Variants in FAM117A observed in about 807,000 individuals in gnomAD.
FAM117A encodes the protein protein FAM117A.
In FAM117A, 21 loss-of-function variants were observed where a neutral mutation model predicts 44.1. That is an observed-to-expected ratio of 0.48 (90% CI 0.34 to 0.69). The LOEUF (loss-of-function observed/expected upper bound fraction) is 0.69, where lower values mean the gene tolerates loss of function less well. Ranked by LOEUF, FAM117A falls within the 30% of genes least tolerant of loss-of-function variation. The pLI is 0.01. For synonymous variants in FAM117A, 220 were observed against 238.3 expected (o/e 0.92, Z 0.71); for missense variants, 498 against 589.9 (o/e 0.84, Z 1.61).
chr17:49,751,943 CAAAAA>C (rs71146933), intron 1 of FAM117A, among the ~76,000 whole-genome samples: 1 of 56,956 alleles, frequency 1.8e-5, no homozygotes. Flanking sequence ...GACTCCATCT[CAAAAA>C]AAAAAAAAAA....
At chr17:49,768,489 G>T (rs1317912174), upstream of FAM117A, among the ~76,000 whole-genome samples, 1 of 152,258 alleles carries the variant, frequency 6.6e-6, no homozygotes, top group South Asian at 2.1e-4. Context: ...AAGTGCTTAC[G>T]TCTTTGCTCC....
rs550277738 is a variant in FAM117A, at chr17:49,710,962, G to T, written c.*293C>A. 9.2e-6 allele frequency: 3 copies of T among 327,314 alleles called. No homozygotes were observed. Among genetic ancestry groups the T allele is most frequent in the Non-Finnish European group, 1.7e-5 (3 of 177,866 alleles). 20.3% of individuals were successfully genotyped at this position (327,314 alleles called of 1,614,324 possible). On this transcript the variant is annotated 3_prime_UTR_variant, in exon 8 of 8. Transcript: ENST00000240364. ...ATACAGTCATTTGGACTGACACCCA[G>T]GGGTGGGGGACTCAAGACCTTCTGG...
Position 49,720,307 on chromosome 17 carries a change from GC to G in FAM117A, c.573+18del, listed in dbSNP as rs769655856. 3.1e-6 allele frequency: 5 copies of G among 1,591,168 alleles called. No individual in the cohort carries two copies. In the Admixed American group the frequency reaches 8.3e-5, roughly 27 times the overall value. On this transcript the variant is annotated intron_variant, in intron 4 of 7. Coordinates refer to ENST00000240364, the MANE Select transcript of FAM117A (RefSeq NM_030802.4). ...CATGGAGGAGAACAGAGGGGAGAGG[GC>G]TGGGGGAGAAAACATACCCTCAGTG... is the stretch of plus-strand genomic sequence containing the variant.
chr17:49,769,711 T>A (rs1216941787), intron 1 of FAM117A, among the ~76,000 whole-genome samples: 2 of 151,326 alleles, frequency 1.3e-5, no homozygotes, highest in South Asian at 2.1e-4. Context: ...TCTCAAAAAA[T>A]AAATAAATAA....
intron 1 of FAM117A, among the ~76,000 whole-genome samples, chr17:49,760,036 G>C (rs908858688): frequency 1.3e-5 from 2 of 152,188 alleles, no homozygotes; most frequent in Non-Finnish European, 2.9e-5. Context: ...GGTTAAGAGA[G>C]GAGAGGGGGC....
rs972488394 is a variant in FAM117A at position 49,763,947 on chromosome 17, C to T, written c.141G>A (p.Thr47=). Residue 47 remains threonine (T), a synonymous_variant, in exon 1 of 8, where the codon ACG becomes ACA. Transcript: ENST00000240364. ...PRAGLQPLRA[T]IPFQLQQPHQ... is the part of the protein sequence containing the mutation. ...GCGGCTGCTGCAGCTGGAAGGGGAT[C>T]GTGGCCCTGAGCGGCTGCAGCCCAG... 2.4e-6 allele frequency: 3 copies of T among 1,233,928 alleles called. No individual in the cohort carries two copies. The African/African-American group carries it at 4.7e-5, about 19-fold the overall frequency. The allele number at this position is 1,233,928 out of a possible 1,614,324, so 76.4% of individuals were successfully genotyped here.
At chr17:49,788,489 C>A (rs1367824465) in intron 1 of FAM117A, 4 of 293,204 alleles carry the variant, frequency 1.4e-5, no homozygotes, top group African/African-American at 8.7e-5. Flanking sequence ...ACAAACAGAG[C>A]CACTCACGTA....
intron 1 of FAM117A, among the ~76,000 whole-genome samples, chr17:49,777,428 A>G (rs1176592991): frequency 6.6e-6 from 1 of 151,622 alleles, no homozygotes; most frequent in Non-Finnish European, 1.5e-5. Flanking sequence ...GGGGCCTGAG[A>G]CTCTGGTAGT....
rs368293515 is a variant in FAM117A at position 49,751,893 on chromosome 17, A to G, written c.196+11999T>C. ...CGGGAGATGGAGGTTGCAGTGAGCC[A>G]AGATTGCACCACTGCACTCCAGTCT... On this transcript the variant is annotated intron_variant, in intron 1 of 7. Coordinates refer to ENST00000240364, the MANE Select transcript of FAM117A (RefSeq NM_030802.4). Among the ~76,000 whole-genome samples the G allele has an allele frequency of 6.8e-4, 102 of 149,340 alleles. 1 individual carries two copies. In the East Asian group the frequency reaches 0.019, roughly 28 times the overall value.
intron 1 of FAM117A, among the ~76,000 whole-genome samples, chr17:49,742,771 C>G (rs558088842): frequency 2.6e-5 from 4 of 152,270 alleles, no homozygotes; most frequent in African/African-American, 7.2e-5. Context: ...TCACAGGAAT[C>G]TGATTTCCAT....
At chr17:49,780,441 C>T (rs529484013) in intron 1 of FAM117A, among the ~76,000 whole-genome samples, 3 of 152,136 alleles carry the variant, frequency 2.0e-5, no homozygotes, top group South Asian at 2.1e-4. Context: ...AGGGCAGTGG[C>T]GTGATCTTGG....
upstream of FAM117A, among the ~76,000 whole-genome samples, chr17:49,767,271 A>T (rs1021795289): frequency 6.6e-5 from 10 of 152,228 alleles, no homozygotes; most frequent in African/African-American, 2.4e-4. Flanking sequence ...TGCACTGCTA[A>T]GGGGAGATGA....
At chr17:49,784,376 C>T (rs990977480) in intron 1 of FAM117A, among the ~76,000 whole-genome samples, 4 of 152,182 alleles carry the variant, frequency 2.6e-5, no homozygotes, top group Non-Finnish European at 5.9e-5. Context: ...GATCAGTGCC[C>T]TTCACAGCTG....
chr17:49,726,497 C>T (rs1435862961), intron 2 of FAM117A, among the ~76,000 whole-genome samples: 2 of 152,174 alleles, frequency 1.3e-5, no homozygotes, highest in African/African-American at 2.4e-5. Flanking sequence ...CAGGCATTAG[C>T]CACTGCGCCC....
chr17:49,772,251 C>A (rs1567838537), intron 1 of FAM117A, among the ~76,000 whole-genome samples: 1 of 151,340 alleles, frequency 6.6e-6, no homozygotes, highest in African/African-American at 2.4e-5. Context: ...AATTTTGTGT[C>A]ACTACATTCT....
At chr17:49,739,413 C>T (rs1398319678) in intron 1 of FAM117A, among the ~76,000 whole-genome samples, 1 of 152,162 alleles carries the variant, frequency 6.6e-6, no homozygotes, top group Non-Finnish European at 1.5e-5. Flanking sequence ...TACAAAGCTG[C>T]TTGCAGACCG....
intron 1 of FAM117A, among the ~76,000 whole-genome samples, chr17:49,773,755 CT>C (rs560824473): frequency 3.3e-3 from 480 of 145,350 alleles, no homozygotes; most frequent in East Asian, 0.012. Context: ...CTTAAGGTAG[CT>C]TTTTTTTTTT....
chr17:49,755,657 C>T (rs754824505), intron 1 of FAM117A, among the ~76,000 whole-genome samples: 1 of 152,196 alleles, frequency 6.6e-6, no homozygotes, highest in Admixed American at 6.5e-5. Flanking sequence ...ACCAACTGGG[C>T]TTCAAGCCCA....
chr17:49,760,841 T>G (rs1186985915), intron 1 of FAM117A, among the ~76,000 whole-genome samples: 2 of 152,202 alleles, frequency 1.3e-5, no homozygotes, highest in African/African-American at 4.8e-5. Flanking sequence ...GAATTTAATT[T>G]AAGGGAGAAT....
Sources: allele counts gnomAD v4.1 joint callset (sites outside exome capture counted in the v4.1 genomes callset), GRCh38; gene constraint gnomAD v4.1.1; transcripts MANE v1.5; gene names NCBI Gene and HGNC (gene_info 2026-07-23, HGNC 2026-07-21).